The following CD8B variants were observed in gnomAD, a reference collection of about 807,000 sequenced individuals.
The protein encoded by CD8B is CD8 subunit beta.
CD8B carries 6 observed loss-of-function variants against 24.2 expected under a neutral mutation model. The observed-to-expected ratio is 0.25, with a 90% CI of 0.14 to 0.49. The LOEUF is 0.49. Among genes scored for constraint, CD8B ranks in the 20% least tolerant of loss-of-function variants. CD8B has a pLI of 0.98. For missense variants in CD8B, 196 were observed against 271.3 expected, an observed-to-expected ratio of 0.72 and a Z score of 1.95; for synonymous variants, 84 against 108.3, an observed-to-expected ratio of 0.78 and a Z score of 1.39.
rs1183422913 is a variant in CD8B, at chr2:86,861,878, G to C, written c.-13C>G. On this transcript the variant is annotated 5_prime_UTR_variant, in exon 1 of 6. Transcript: ENST00000390655. ...GCCGCGGCCGCATCGTGGCGCGCCC[G>C]GGACACCTGGCCCCGGGGGCTCGGC... 7.9e-6 allele frequency: 10 copies of C among 1,268,236 alleles called. No individual in the cohort carries two copies. Among genetic ancestry groups the C allele is most frequent in the East Asian group, 3.2e-5 (1 of 31,698 alleles). The allele number at this position is 1,268,236 out of a possible 1,614,324, so 78.6% of individuals were successfully genotyped here.
chr2:86,859,456 A>G (rs1204735965), intron 1 of CD8B, among the ~76,000 whole-genome samples: 1 of 152,110 alleles, frequency 6.6e-6, no homozygotes, highest in Non-Finnish European at 1.5e-5. Context: ...TGAACGGAGG[A>G]CAGCTTGGGG....
At chr2:86,849,601 C>T (rs550438478) in intron 3 of CD8B, among the ~76,000 whole-genome samples, 18 of 152,106 alleles carry the variant, frequency 1.2e-4, no homozygotes, top group South Asian at 2.1e-4. Context: ...AACTAGATTA[C>T]GGTAACGGTC....
chr2:86,815,757 C>T (rs1282280371), intron 5 of CD8B: 1 of 1,079,410 alleles, frequency 9.3e-7, no homozygotes, highest in Non-Finnish European at 1.4e-6. Context: ...AATACATGCA[C>T]CAAGTCAAGG....
rs1285464744 is a variant in CD8B at position 86,846,925 on chromosome 2, G to GTCTTTTTTTTTTTTTT, written c.494-153_494-152insAAAAAAAAAAAAAAGA. ...TTCGATGTAATGTATTTTTCCTCAA[G>GTCTTTTTTTTTTTTTT]TATTTTTTTTTTTTTTTTTTTTTTT... On this transcript the variant is annotated intron_variant, in intron 3 of 5. Transcript: ENST00000390655. 5.7e-5 allele frequency: 10 copies of GTCTTTTTTTTTTTTTT among 176,724 alleles called. 4 individuals carry two copies. The highest frequency in any genetic ancestry group is 1.1e-4 in the African/African-American group (3 of 27,522). 10.9% of individuals were successfully genotyped at this position (176,724 alleles called of 1,614,324 possible).
In CD8B at chr2:86,839,197, T is replaced by G. The variant is rs1348208699; in HGVS notation, c.*3110A>C. 2.0e-5 allele frequency among the ~76,000 whole-genome samples: 3 copies of G among 152,266 alleles called. No individual in the cohort carries two copies. Among genetic ancestry groups the G allele is most frequent in the Non-Finnish European group, 4.4e-5 (3 of 68,046 alleles). On this transcript the variant is annotated 3_prime_UTR_variant, in exon 6 of 6. Coordinates refer to ENST00000390655, the MANE Select transcript of CD8B (RefSeq NM_004931.5). ...GTTTTAAAAATATATGCATTTGTCA[T>G]AACCATCATTTGATATCAGCATATA...
rs138659548 is a variant in CD8B at position 86,858,166 on chromosome 2, C to T, written c.294G>A (p.Arg98=). The T allele has an allele frequency of 4.8e-3, 7,817 of 1,613,994 alleles. 97 individuals carry two copies. The highest frequency in any genetic ancestry group is 0.047 in the Admixed American group (2,804 of 60,014). Residue 98 remains arginine, a synonymous_variant, in exon 2 of 6, where the codon CGG becomes CGA. Coordinates refer to ENST00000390655, the MANE Select transcript of CD8B (RefSeq NM_004931.5). The part of the protein sequence containing the change: ...EKIAVFRDAS[R]FILNLTSVKP... ...TCACGCTTGTGAGATTGAGAATGAACCGGCTTGCATCCCGAAACACAGCTA... is the reference window on the plus strand; with the variant it reads ...TCACGCTTGTGAGATTGAGAATGAATCGGCTTGCATCCCGAAACACAGCTA...
At chr2:86,836,991 ACC>A (rs1558754065), downstream of CD8B, among the ~76,000 whole-genome samples, 11 of 152,132 alleles carry the variant, frequency 7.2e-5, no homozygotes, top group Non-Finnish European at 1.5e-4. Flanking sequence ...CCCCATCTCT[ACC>A]AGAAATATAA....
At chr2:86,859,414 C>T (rs1189658784) in intron 1 of CD8B, among the ~76,000 whole-genome samples, 1 of 152,154 alleles carries the variant, frequency 6.6e-6, no homozygotes, top group Non-Finnish European at 1.5e-5. Flanking sequence ...GCTGTGAGAC[C>T]TCAGGCCAGT....
intron 5 of CD8B, chr2:86,822,453 T>A: frequency 1.2e-6 from 1 of 832,146 alleles, no homozygotes; most frequent in Non-Finnish European, 2.0e-6. Context: ...AATATTTAAG[T>A]AAACAATGAT....
At chr2:86,850,440 C>T (rs1403558654) in intron 3 of CD8B, among the ~76,000 whole-genome samples, 1 of 152,208 alleles carries the variant, frequency 6.6e-6, no homozygotes, top group African/African-American at 2.4e-5. Flanking sequence ...GCTTTGAGGT[C>T]TGTGTGGACG....
At chr2:86,859,791 G>T (rs1352180276) in intron 1 of CD8B, among the ~76,000 whole-genome samples, 2 of 151,740 alleles carry the variant, frequency 1.3e-5, no homozygotes, top group East Asian at 3.9e-4. Flanking sequence ...AGGCAGAGGG[G>T]GCCAGAGGGC....
chr2:86,860,049 C>T (rs1365115094), intron 1 of CD8B, among the ~76,000 whole-genome samples: 2 of 152,140 alleles, frequency 1.3e-5, no homozygotes, highest in Admixed American at 6.5e-5. Context: ...GCAGGAGGAT[C>T]ACTTGGGCTC....
chr2:86,844,578 C>A, intron 5 of CD8B: 1 of 1,341,234 alleles, frequency 7.5e-7, no homozygotes. Flanking sequence ...ACTTACTGGT[C>A]AGGTTTTTGT....
At position 86,848,586 on chromosome 2, in the gene CD8B, G is replaced by A. The variant is rs186462759; in HGVS notation, c.494-1813C>T. On this transcript the variant is annotated intron_variant, in intron 3 of 5. Transcript: ENST00000390655. ...TTTGGGCTTGAGGTTCGGAAAATTG[G>A]AAAGCATTGTGGATGTCAAGGAAGA... Among the ~76,000 whole-genome samples, 21 of 152,090 alleles carry A rather than the reference G, an allele frequency of 1.4e-4. No homozygotes were observed. In the East Asian group the frequency reaches 3.1e-3, roughly 22 times the overall value.
At chr2:86,835,708 C>A (rs1675149990), downstream of CD8B, among the ~76,000 whole-genome samples, 1 of 150,320 alleles carries the variant, frequency 6.7e-6, no homozygotes, top group African/African-American at 2.5e-5. Flanking sequence ...GTAACTTTGC[C>A]CTCACCCAAC....
At chr2:86,821,581 GT>G (rs1674474027) in intron 5 of CD8B, 2 of 193,160 alleles carry the variant, frequency 1.0e-5, no homozygotes, top group African/African-American at 4.7e-5. Flanking sequence ...GAGTTCGGTT[GT>G]TGCTGTAGCC....
chr2:86,854,753 A>G (rs757490815), intron 2 of CD8B, among the ~76,000 whole-genome samples: 11 of 152,126 alleles, frequency 7.2e-5, no homozygotes, highest in Non-Finnish European at 1.2e-4. Flanking sequence ...CCAAAATGGT[A>G]GGAGAGGGAG....
intron 5 of CD8B, among the ~76,000 whole-genome samples, chr2:86,829,572 G>GC (rs1573495198): frequency 6.6e-6 from 1 of 152,170 alleles, no homozygotes; most frequent in East Asian, 1.9e-4. Context: ...GCCCTCCTGA[G>GC]CAAGTAACTC....
rs67594018 is a variant in CD8B at position 86,820,536 on chromosome 2, CT to C, written c.621-4819del. Among the ~76,000 whole-genome samples the C allele has an allele frequency of 9.7e-3, 1,480 of 151,798 alleles. 24 individuals are homozygous for C. The highest frequency in any genetic ancestry group is 0.033 in the African/African-American group (1,382 of 41,392). On this transcript the variant is annotated intron_variant, in intron 5 of 5. Transcript: ENST00000331469. ...TAAATTATTTTTTGATTAAGACGTA[CT>C]TTTTTTTTCAGACATAATGTCTTTG...
Sources: allele counts gnomAD v4.1 joint callset (sites outside exome capture counted in the v4.1 genomes callset), GRCh38; gene constraint gnomAD v4.1.1; transcripts MANE v1.5; gene names NCBI Gene and HGNC (gene_info 2026-07-23, HGNC 2026-07-21).